The following PCDH15 variants were observed in gnomAD, a reference collection of about 807,000 sequenced individuals.
PCDH15 encodes the protein protocadherin related 15, also known as protocadherin-15.
Under a neutral mutation model 178.5 loss-of-function variants are expected in PCDH15, and 129 were observed. The ratio of observed to expected loss-of-function variants is 0.72; its 90% confidence interval spans 0.63 to 0.84. The LOEUF (loss-of-function observed/expected upper bound fraction) is 0.84. Ranked by LOEUF, PCDH15 falls within the 40% of genes least tolerant of loss-of-function variation. The pLI is 0.00. For synonymous variants in PCDH15, 800 were observed against 732.0 expected (o/e 1.09, Z -1.50); for missense variants, 2,230 against 2,099.9 (o/e 1.06, Z -1.21).
intron 9 of PCDH15, among the ~76,000 whole-genome samples, chr10:54,236,391 A>T (rs1564752511): frequency 1.3e-5 from 2 of 151,738 alleles, no homozygotes; most frequent in East Asian, 3.9e-4. Flanking sequence ...TTTTTTTTTT[A>T]AATGGCTCCA....
Position 54,195,796 on chromosome 10 carries a change from G to A in PCDH15, c.1192C>T (p.Pro398Ser), listed in dbSNP as rs1267717080. The A allele has an allele frequency of 1.2e-6, 2 of 1,613,866 alleles. No individual in the cohort carries two copies. The change falls in exon 11 of 38, where the codon CCC becomes TCC. Residue 398 changes from proline (P) to serine (S), a missense_variant. Coordinates refer to ENST00000644397, the MANE Select transcript of PCDH15 (RefSeq NM_001384140.1). ...ENNQSPYFTM[P>S]SYQGYILESA... The stretch of plus-strand genomic sequence containing the variant: ...TCCAGGATATAGCCTTGATAACTGG[G>A]CATTGTAAAATATGGACTTTGATTG...
At chr10:54,672,037 T>C (rs569541248) in intron 1 of PCDH15, among the ~76,000 whole-genome samples, 85 of 152,188 alleles carry the variant, frequency 5.6e-4, no homozygotes, top group South Asian at 1.2e-3. Context: ...GCAATCTCTA[T>C]TGTGAACTGC....
intron 1 of PCDH15, among the ~76,000 whole-genome samples, chr10:55,259,777 C>A (rs1415647705): frequency 6.6e-6 from 1 of 151,428 alleles, no homozygotes; most frequent in Non-Finnish European, 1.5e-5. Context: ...CGGTGCATGC[C>A]TGTAATCCCA....
intron 3 of PCDH15, among the ~76,000 whole-genome samples, chr10:54,824,649 T>TA (rs1286509175): frequency 1.3e-5 from 2 of 152,236 alleles, no homozygotes; most frequent in East Asian, 3.9e-4. Flanking sequence ...CCTGACCTGG[T>TA]AAAAATGACA....
At chr10:54,545,476 G>A (rs1197815784) in intron 2 of PCDH15, among the ~76,000 whole-genome samples, 2 of 150,102 alleles carry the variant, frequency 1.3e-5, no homozygotes, top group Non-Finnish European at 2.9e-5. Flanking sequence ...AGCCACTATT[G>A]GTTCAAGTAA....
At chr10:54,573,611 T>C (rs994165002) in intron 2 of PCDH15, among the ~76,000 whole-genome samples, 3 of 152,206 alleles carry the variant, frequency 2.0e-5, no homozygotes, top group South Asian at 2.1e-4. Context: ...TGAAAAGCCA[T>C]GTAGAATACA....
intron 2 of PCDH15, among the ~76,000 whole-genome samples, chr10:55,113,057 T>C (rs1173305770): frequency 3.3e-5 from 5 of 152,174 alleles, no homozygotes; most frequent in African/African-American, 9.7e-5. Flanking sequence ...CATCATCCTG[T>C]AACATCACCA....
chr10:54,423,208 G>A (rs529144156), intron 3 of PCDH15, among the ~76,000 whole-genome samples: 1 of 152,046 alleles, frequency 6.6e-6, no homozygotes, highest in Non-Finnish European at 1.5e-5. Flanking sequence ...CAAACCAGAT[G>A]CTCCCCCTGC....
chr10:53,826,578 A>C (rs2076694025), intron 32 of PCDH15, among the ~76,000 whole-genome samples: 1 of 152,080 alleles, frequency 6.6e-6, no homozygotes, highest in Non-Finnish European at 1.5e-5. Flanking sequence ...TTTACATATC[A>C]TGTCCAAAAG....
chr10:55,585,246 T>A (rs572863967), intron 2 of PCDH15, among the ~76,000 whole-genome samples: 6 of 152,288 alleles, frequency 3.9e-5, no homozygotes, highest in Admixed American at 3.3e-4. Flanking sequence ...CAGAGACTAA[T>A]GTTCTTGAAG....
In PCDH15 at chr10:54,829,603, A is replaced by T. The variant is rs73254016; in HGVS notation, c.-29+67847T>A. 3.7e-3 allele frequency among the ~76,000 whole-genome samples: 560 copies of T among 152,134 alleles called. 1 individual carries two copies. The highest frequency in any genetic ancestry group is 0.013 in the African/African-American group (537 of 41,524). ...CCAGAAATTTAGTGAGCCCAAATTAATTTTTTGTGCTCAACTCCAAAGGCA... is the reference window on the plus strand; with the variant it reads ...CCAGAAATTTAGTGAGCCCAAATTATTTTTTTGTGCTCAACTCCAAAGGCA... On this transcript the variant is annotated intron_variant, in intron 3 of 5. Transcript: ENST00000458638.
chr10:54,955,926 A>G (rs1838473604), intron 2 of PCDH15, among the ~76,000 whole-genome samples: 1 of 151,484 alleles, frequency 6.6e-6, no homozygotes, highest in Non-Finnish European at 1.5e-5. Context: ...TATAATTGCA[A>G]AGCCATAATG....
At chr10:54,095,155 A>C (rs1242806955) in intron 15 of PCDH15, among the ~76,000 whole-genome samples, 1 of 152,180 alleles carries the variant, frequency 6.6e-6, no homozygotes. Context: ...ACTTAGGCAA[A>C]CAAGTTCTGA....
At chr10:54,681,635 T>C (rs1167620927) in intron 1 of PCDH15, among the ~76,000 whole-genome samples, 1 of 151,824 alleles carries the variant, frequency 6.6e-6, no homozygotes, top group Non-Finnish European at 1.5e-5. Flanking sequence ...AGTGGAGGAG[T>C]GGGAACAAAA....
chr10:54,242,180 ATATATATACAC>A (rs2055452858), intron 8 of PCDH15, among the ~76,000 whole-genome samples: 1 of 113,290 alleles, frequency 8.8e-6, no homozygotes, highest in African/African-American at 4.0e-5. Context: ...ATATATATAT[ATATATATACAC>A]ACACACACAT....
intron 20 of PCDH15, among the ~76,000 whole-genome samples, chr10:54,006,316 G>A (rs927993639): frequency 2.0e-5 from 3 of 152,142 alleles, no homozygotes; most frequent in Non-Finnish European, 2.9e-5. Context: ...GACTAGAAGA[G>A]AGGGAAACAT....
chr10:54,848,538 G>A (rs536855418), intron 3 of PCDH15, among the ~76,000 whole-genome samples: 53 of 152,140 alleles, frequency 3.5e-4, no homozygotes, highest in South Asian at 1.0e-3. Flanking sequence ...GACTTTGCAA[G>A]AGACCCCACC....
At chr10:55,521,376 T>A (rs940603116) in intron 2 of PCDH15, among the ~76,000 whole-genome samples, 6 of 141,880 alleles carry the variant, frequency 4.2e-5, no homozygotes, top group African/African-American at 1.5e-4. Context: ...ATGCATTTAA[T>A]ACTGGCAGCA....
intron 2 of PCDH15, among the ~76,000 whole-genome samples, chr10:54,988,301 T>G (rs892023471): frequency 1.3e-4 from 20 of 152,162 alleles, no homozygotes; most frequent in Non-Finnish European, 2.1e-4. Context: ...TGAAGTCAGG[T>G]AGCATGATGC....
Sources: allele counts gnomAD v4.1 joint callset (sites outside exome capture counted in the v4.1 genomes callset), GRCh38; gene constraint gnomAD v4.1.1; transcripts MANE v1.5; gene names NCBI Gene and HGNC (gene_info 2026-07-23, HGNC 2026-07-21).